BBOF1: variants seen among roughly 807,000 people sequenced by gnomAD.
BBOF1 encodes the protein basal body orientation factor 1.
Under a neutral mutation model 68.0 loss-of-function variants are expected in BBOF1, and 62 were observed. That is an observed-to-expected ratio of 0.91 (90% confidence interval 0.74 to 1.13). The LOEUF (loss-of-function observed/expected upper bound fraction) is 1.13. Ranked by LOEUF, BBOF1 falls within the 50% of genes most tolerant of loss-of-function variation. BBOF1 has a pLI of 0.00. For synonymous variants in BBOF1, 208 were observed against 198.8 expected (o/e 1.05, Z -0.39); for missense variants, 534 against 600.1 (o/e 0.89, Z 1.15).
rs796378905 is a variant in BBOF1 at position 74,052,529 on chromosome 14, C to T, written c.1286+2334C>T. Among the ~76,000 whole-genome samples, 1,193 of 150,522 alleles carry T rather than the reference C, an allele frequency of 7.9e-3. 23 individuals are homozygous for T. The highest frequency in any genetic ancestry group is 0.027 in the African/African-American group (1,096 of 40,026). On this transcript the variant is annotated intron_variant, in intron 8 of 11. Transcript: ENST00000394009. ...GCATGATGGCACACACCTGTAATCC[C>T]AGCTACTCAGGAGGCTGAGGCAGGA...
intron 2 of BBOF1, among the ~76,000 whole-genome samples, chr14:74,025,971 C>T (rs1435440409): frequency 6.6e-6 from 1 of 151,396 alleles, no homozygotes; most frequent in East Asian, 2.0e-4. Flanking sequence ...GAAACCCCAT[C>T]TCTACTAGAA....
At chr14:74,029,953 T>A (rs964248846) in intron 3 of BBOF1, among the ~76,000 whole-genome samples, 1 of 152,202 alleles carries the variant, frequency 6.6e-6, no homozygotes, top group Non-Finnish European at 1.5e-5. Context: ...TTCTTACTGA[T>A]ACCAATATAA....
chr14:74,024,051 T>C (rs2059369631), intron 2 of BBOF1, among the ~76,000 whole-genome samples: 1 of 152,198 alleles, frequency 6.6e-6, no homozygotes, highest in Non-Finnish European at 1.5e-5. Context: ...TATTTAATTA[T>C]TTTTATGACC....
intron 8 of BBOF1, among the ~76,000 whole-genome samples, chr14:74,053,300 A>C (rs1339712423): frequency 6.6e-6 from 1 of 150,856 alleles, no homozygotes. Flanking sequence ...TTTAGTAGAG[A>C]CGGGGTTTCA....
At chr14:74,063,175 A>C (rs899536881) in intron 11 of BBOF1, among the ~76,000 whole-genome samples, 1 of 151,018 alleles carries the variant, frequency 6.6e-6, no homozygotes, top group African/African-American at 2.4e-5. Context: ...CGATGTGGCA[A>C]TAGTAATAAT....
chr14:74,036,204 C>T (rs983106004), intron 4 of BBOF1, among the ~76,000 whole-genome samples: 1 of 152,054 alleles, frequency 6.6e-6, no homozygotes, highest in Non-Finnish European at 1.5e-5. Context: ...TATAGGCGCA[C>T]GCCACCGTGC....
chr14:74,040,483 T>G (rs2059806409), intron 4 of BBOF1, 82 bp from the exon 5 acceptor site: 1 of 840,830 alleles, frequency 1.2e-6, no homozygotes, highest in East Asian at 2.7e-5. Flanking sequence ...AAGCATTTCC[T>G]TATTGATAAT....
At chr14:74,075,187 G>A (rs1278464718) in intron 9 of BBOF1, among the ~76,000 whole-genome samples, 1 of 152,040 alleles carries the variant, frequency 6.6e-6, no homozygotes, top group African/African-American at 2.4e-5. Flanking sequence ...AGCAAACTAT[G>A]AACAAACAAT....
intron 8 of BBOF1, among the ~76,000 whole-genome samples, chr14:74,054,355 AAAT>A (rs1479969557): frequency 6.7e-6 from 1 of 150,370 alleles, no homozygotes; most frequent in Non-Finnish European, 1.5e-5. Flanking sequence ...GTCTCTAAAT[AAAT>A]AATGTTACAT....
At chr14:74,043,725 GTTTCACCA>G (rs2059885988) in intron 5 of BBOF1, among the ~76,000 whole-genome samples, 1 of 150,284 alleles carries the variant, frequency 6.7e-6, no homozygotes, top group South Asian at 2.2e-4. Flanking sequence ...TAGAGACAGG[GTTTCACCA>G]TGTTGACCAG....
chr14:74,068,932 C>T (rs750589306), downstream of BBOF1: 8 of 1,613,782 alleles, frequency 5.0e-6, no homozygotes, highest in Non-Finnish European at 6.8e-6. Context: ...TGTTGGATCC[C>T]ACAAAGCTGA....
At position 74,078,648 on chromosome 14, in the gene BBOF1, T is replaced by C. The variant is rs867008258; in HGVS notation, n.1536+296T>C. ...GTTCAAGTGATTCTCCTGCCTCAGC[T>C]TTCTGAGTAGCTGGGATTACAGGCA... On this transcript the variant is annotated intron_variant and non_coding_transcript_variant, in intron 10 of 12. Transcript: ENST00000492026. 7.0e-3 allele frequency among the ~76,000 whole-genome samples: 1,047 copies of C among 150,486 alleles called. 17 individuals carry two copies. Among genetic ancestry groups the C allele is most frequent in the African/African-American group, 0.024 (964 of 40,022 alleles).
intron 9 of BBOF1, among the ~76,000 whole-genome samples, chr14:74,075,799 TGTA>T (rs1222950971): frequency 6.6e-6 from 1 of 152,244 alleles, no homozygotes; most frequent in Non-Finnish European, 1.5e-5. Flanking sequence ...GAACTTTATT[TGTA>T]GTAGCCCAAA....
Position 74,025,904 on chromosome 14 carries a change from G to GT in BBOF1, c.285+2761dup, listed in dbSNP as rs1195805914. Among the ~76,000 whole-genome samples, 20 of 147,038 alleles carry GT rather than the reference G, an allele frequency of 1.4e-4. No individual in the cohort carries two copies. In the East Asian group the frequency reaches 4.9e-3, roughly 36 times the overall value. The stretch of plus-strand genomic sequence containing the variant: ...GCACTTTGGGAGGCTGAGTGGCGGG[G>GT]TGGGGGGGGTGCATCACATGAGGCC... On this transcript the variant is annotated intron_variant, in intron 2 of 11. Transcript: ENST00000394009.
chr14:74,074,816 G>C (rs1458356187), intron 9 of BBOF1: 3 of 849,590 alleles, frequency 3.5e-6, no homozygotes, highest in Non-Finnish European at 3.8e-6. Context: ...TCCATTTCAG[G>C]AGGGAAATAA....
chr14:74,039,167 T>C (rs1422363898), intron 4 of BBOF1, among the ~76,000 whole-genome samples: 2 of 152,212 alleles, frequency 1.3e-5, no homozygotes, highest in Non-Finnish European at 2.9e-5. Flanking sequence ...TAAAAATAGC[T>C]ATATGTTATT....
intron 12 of BBOF1, among the ~76,000 whole-genome samples, chr14:74,081,570 G>C (rs2060668246): frequency 6.6e-6 from 1 of 152,122 alleles, no homozygotes; most frequent in African/African-American, 2.4e-5. Flanking sequence ...TGTTGCTGAA[G>C]AAACTATCCT....
rs111966008 is a variant in BBOF1, at chr14:74,036,498, C to T, written c.495+2327C>T. Among the ~76,000 whole-genome samples, 882 of 152,156 alleles carry T rather than the reference C, an allele frequency of 5.8e-3. 9 individuals carry two copies. Among genetic ancestry groups the T allele is most frequent in the African/African-American group, 0.02 (834 of 41,522 alleles). ...AGGAGTTTGAGACCATCCTGTCCAA[C>T]ATGGCAAAACCCTGTCTCTACTAAA... On this transcript the variant is annotated intron_variant, in intron 4 of 11. Transcript: ENST00000394009.
chr14:74,072,325 T>C, intron 9 of BBOF1: 8 of 1,614,214 alleles, frequency 5.0e-6, no homozygotes, highest in Non-Finnish European at 6.8e-6. Context: ...ATTTCTGCCT[T>C]GGTGGCCTGA....
Sources: allele counts gnomAD v4.1 joint callset (sites outside exome capture counted in the v4.1 genomes callset), GRCh38; gene constraint gnomAD v4.1.1; transcripts MANE v1.5; gene names NCBI Gene and HGNC (gene_info 2026-07-23, HGNC 2026-07-21).